Variants in ALG9 observed in about 807,000 individuals in gnomAD.
The protein encoded by ALG9 is ALG9 alpha-1,2-mannosyltransferase.
A neutral mutation model predicts 81.8 loss-of-function variants in ALG9; 55 were observed. The ratio of observed to expected loss-of-function variants is 0.67; its 90% CI spans 0.54 to 0.84. The LOEUF (loss-of-function observed/expected upper bound fraction) is 0.84, where lower values mean the gene tolerates loss of function less well. Ranked by LOEUF, ALG9 falls within the 40% of genes least tolerant of loss-of-function variation. ALG9 has a pLI of 0.00. For missense variants in ALG9, 629 were observed against 745.0 expected (o/e 0.84, Z 1.81); for synonymous variants, 278 against 274.3 (o/e 1.01, Z -0.13).
At chr11:111,818,218 TGGG>T (rs1951812619) in intron 13 of ALG9, among the ~76,000 whole-genome samples, 1 of 152,196 alleles carries the variant, frequency 6.6e-6, no homozygotes, top group Non-Finnish European at 1.5e-5. Flanking sequence ...GGAAGAAGCA[TGGG>T]GTACTCAAGT....
At chr11:111,771,588 G>A in the ALG9 span, among the ~76,000 whole-genome samples, 1 of 152,182 alleles carries the variant, frequency 6.6e-6, no homozygotes, top group Non-Finnish European at 1.5e-5. Flanking sequence ...AGACCTGTAA[G>A]TGTCTCAGGG....
chr11:111,854,741 T>G (rs1376654301), intron 6 of ALG9, among the ~76,000 whole-genome samples: 1 of 152,242 alleles, frequency 6.6e-6, no homozygotes, highest in Admixed American at 6.5e-5. Flanking sequence ...CCATAGCACC[T>G]GTATTTCTCC....
Position 111,871,405 on chromosome 11 carries a change from C to G in ALG9, c.78G>C (p.Lys26Asn). 6.5e-7 allele frequency: 1 copy of G among 1,535,362 alleles called. No individual in the cohort carries two copies. The highest frequency in any genetic ancestry group is 8.7e-7 in the Non-Finnish European group (1 of 1,146,426). ...CTCGGCTGCCCAGCAGCTCCCGCAG[C>G]TTGTCCGCAGCCGGGGCCGTATCCC... ...SSGDTAPAAD[K>N]LRELLGSREA... The change falls in exon 1 of 15, where the codon AAG becomes AAC. Residue 26 changes from lysine to asparagine, a missense_variant. Lys to Asn is a moderately conservative substitution (Grantham distance 94, BLOSUM62 0). This residue lies in a region of ALG9 where 344 missense variants were observed against 390.5 expected (regional missense o/e 0.88). Coordinates refer to ENST00000616540, the MANE Select transcript of ALG9 (RefSeq NM_024740.2).
chr11:111,803,712 AAC>A (rs1318316440), intron 14 of ALG9, among the ~76,000 whole-genome samples: 2 of 152,196 alleles, frequency 1.3e-5, no homozygotes, highest in South Asian at 2.1e-4. Context: ...CACAATAAAA[AAC>A]AGTCTTTTCA....
chr11:111,806,971 A>T (rs631318), intron 14 of ALG9, among the ~76,000 whole-genome samples: 107,875 of 151,894 alleles, frequency 0.71, 39,034 homozygotes, highest in African/African-American at 0.86. Context: ...CACCTCAAAT[A>T]CAGTGCATTT....
chr11:111,871,268 C>T, intron 1 of ALG9, 84 bp downstream of exon 1: 1 of 1,334,844 alleles, frequency 7.5e-7, no homozygotes, highest in Non-Finnish European at 9.5e-7. Flanking sequence ...GACTGAGCCC[C>T]GCGCGCCACA....
intron 12 of ALG9, 47 bp downstream of exon 12, chr11:111,837,421 C>G (rs909786837): frequency 6.2e-6 from 10 of 1,608,690 alleles, no homozygotes; most frequent in South Asian, 1.1e-5. Flanking sequence ...TAGAACTGCT[C>G]TATTTACTCC....
At chr11:111,794,146 G>T (rs1337542725) in intron 14 of ALG9, among the ~76,000 whole-genome samples, 1 of 152,246 alleles carries the variant, frequency 6.6e-6, no homozygotes, top group Non-Finnish European at 1.5e-5. Context: ...GGAGCATTCG[G>T]CGGTGGAGAT....
chr11:111,865,300 A>C, intron 3 of ALG9, 49 bp from the exon 4 acceptor site: 1 of 1,384,542 alleles, frequency 7.2e-7, no homozygotes, highest in Non-Finnish European at 1.0e-6. Context: ...TATGAGCTAG[A>C]AAAACTCATA....
intron 4 of ALG9, among the ~76,000 whole-genome samples, chr11:111,860,994 T>C (rs1426833384): frequency 6.6e-6 from 1 of 152,232 alleles, no homozygotes; most frequent in Non-Finnish European, 1.5e-5. Context: ...TTGAATAATG[T>C]CTCTGTCTGA....
intron 11 of ALG9, 52 bp downstream of exon 11, chr11:111,838,197 C>G (rs1230770429): frequency 1.9e-6 from 3 of 1,606,072 alleles, no homozygotes; most frequent in Non-Finnish European, 2.6e-6. Flanking sequence ...CAAGTAAAAC[C>G]TAAGAGCAAG....
chr11:111,857,593 G>A lies in ALG9; in HGVS notation c.701+9C>T. 1 of 1,614,102 alleles carries A rather than the reference G, an allele frequency of 6.2e-7. No individual in the cohort carries two copies. Among genetic ancestry groups the A allele is most frequent in the South Asian group, 1.1e-5 (1 of 91,088 alleles). On this transcript the variant is annotated intron_variant, in intron 6 of 14. Transcript: ENST00000616540. ...GCGATATATGGGAGGAGAACTGTTA[G>A]TTTCTTACCCAAGAGCTGCACTGAA... is the stretch of plus-strand genomic sequence containing the variant.
At chr11:111,835,373 G>T (rs1278447291) in intron 13 of ALG9, among the ~76,000 whole-genome samples, 2 of 152,204 alleles carry the variant, frequency 1.3e-5, no homozygotes, top group East Asian at 3.8e-4. Flanking sequence ...AGGAACTGAA[G>T]TAAAATTCGC....
At chr11:111,786,641 C>G (rs1946513498) in intron 14 of ALG9, 121 bp from the exon 15 acceptor site, 2 of 1,180,452 alleles carry the variant, frequency 1.7e-6, no homozygotes, top group South Asian at 2.8e-5. Flanking sequence ...TCAAGTGGCA[C>G]AGAAAAGCCT....
At position 111,837,470 on chromosome 11, in the gene ALG9, G is replaced by A. The variant is rs546454896; in HGVS notation, c.1470C>T (p.Asp490=). 3 of 1,614,038 alleles carry A rather than the reference G, an allele frequency of 1.9e-6. No homozygotes were observed. The highest frequency in any genetic ancestry group is 2.7e-5 in the African/African-American group (2 of 75,044). Residue 490 remains aspartate, a splice_region_variant and synonymous_variant, in exon 12 of 15, where the codon GAC becomes GAT. Transcript: ENST00000616540. The part of the protein sequence containing the change: ...YRFPSSFLLP[D]NWQLQFIPSE... ...CTAGGAATTAAAGGACAACTTACTT[G>A]TCAGGAAGAAGGAAGCTGCTGGGAA...
intron 6 of ALG9, among the ~76,000 whole-genome samples, chr11:111,854,087 A>C (rs1958269243): frequency 6.8e-6 from 1 of 146,246 alleles, no homozygotes; most frequent in African/African-American, 2.5e-5. Context: ...TAATAACCTT[A>C]TTACAGACTT....
chr11:111,787,793 T>G (rs1946702933), intron 14 of ALG9, among the ~76,000 whole-genome samples: 1 of 152,084 alleles, frequency 6.6e-6, no homozygotes, highest in South Asian at 2.1e-4. Context: ...TAAAAATAAA[T>G]ATATGATTTA....
At chr11:111,843,751 A>G (rs1555126155) in intron 9 of ALG9, among the ~76,000 whole-genome samples, 1 of 152,218 alleles carries the variant, frequency 6.6e-6, no homozygotes, top group Non-Finnish European at 1.5e-5. Flanking sequence ...ACAGAATCAG[A>G]GCAAGCAAAG....
At chr11:111,794,621 C>T (rs1304120740) in intron 14 of ALG9, among the ~76,000 whole-genome samples, 1 of 152,038 alleles carries the variant, frequency 6.6e-6, no homozygotes, top group Non-Finnish European at 1.5e-5. Flanking sequence ...CTCTTCTCTT[C>T]TCCTCTCCTC....
Sources: allele counts gnomAD v4.1 joint callset (sites outside exome capture counted in the v4.1 genomes callset), GRCh38; gene constraint gnomAD v4.1.1; regional missense constraint gnomAD v4.1.1; transcripts MANE v1.5; gene names NCBI Gene and HGNC (gene_info 2026-07-23, HGNC 2026-07-21).